The following FBXL7 variants were observed in gnomAD, a reference collection of about 807,000 sequenced individuals.
FBXL7 encodes F-box and leucine rich repeat protein 7, also known as F-box/LRR-repeat protein 7.
In FBXL7, 12 loss-of-function variants were observed where a neutral mutation model predicts 38.3. That is an observed-to-expected ratio of 0.31 (90% CI 0.20 to 0.51). The LOEUF is 0.51. Ranked by LOEUF, FBXL7 falls within the 20% of genes least tolerant of loss-of-function variation. FBXL7 has a pLI of 0.98. For missense variants in FBXL7, 567 were observed against 676.4 expected, an observed-to-expected ratio of 0.84 and a Z score of 1.79; for synonymous variants, 297 against 300.9, an observed-to-expected ratio of 0.99 and a Z score of 0.13.
intron 2 of FBXL7, among the ~76,000 whole-genome samples, chr5:15,751,721 G>A (rs1736160850): frequency 1.3e-5 from 2 of 152,270 alleles, no homozygotes; most frequent in Middle Eastern, 3.4e-3. Context: ...GGGTGCAAGG[G>A]GCAAGATCTG....
chr5:15,573,379 C>G (rs1738849212), intron 1 of FBXL7, among the ~76,000 whole-genome samples: 2 of 152,140 alleles, frequency 1.3e-5, no homozygotes, highest in African/African-American at 4.8e-5. Context: ...TTCAAAGAAT[C>G]TTGCCAATAA....
intron 2 of FBXL7, among the ~76,000 whole-genome samples, chr5:15,662,169 G>T (rs1440774634): frequency 1.3e-5 from 2 of 151,922 alleles, no homozygotes; most frequent in African/African-American, 4.8e-5. Flanking sequence ...CCTTTTCTCT[G>T]CAACCTCACC....
chr5:15,786,674 A>T lies in FBXL7; in HGVS notation c.128-141216A>T, dbSNP rs1108418. Among the ~76,000 whole-genome samples, 646 of 152,344 alleles carry T rather than the reference A, an allele frequency of 4.2e-3. 7 individuals are homozygous for T. Among genetic ancestry groups the T allele is most frequent in the African/African-American group, 0.015 (621 of 41,582 alleles). ...ATTAGAATAGTTTGTAGATACTTTT[A>T]AACCTGTGCTCAAAGGTATTATTTG... On this transcript the variant is annotated intron_variant, in intron 2 of 3. Transcript: ENST00000504595.
intron 1 of FBXL7, among the ~76,000 whole-genome samples, chr5:15,514,072 A>G (rs142561787): frequency 2.0e-4 from 30 of 152,312 alleles, no homozygotes; most frequent in Non-Finnish European, 2.9e-4. Flanking sequence ...TGTGCTTCAA[A>G]TAGTCATTTC....
intron 1 of FBXL7, among the ~76,000 whole-genome samples, chr5:15,610,704 G>A (rs1025165146): frequency 6.6e-6 from 1 of 152,100 alleles, no homozygotes; most frequent in Non-Finnish European, 1.5e-5. Flanking sequence ...ACAAAGATTT[G>A]TTGGTTATTT....
chr5:15,565,395 C>G (rs1005235168), intron 1 of FBXL7, among the ~76,000 whole-genome samples: 2 of 151,920 alleles, frequency 1.3e-5, no homozygotes, highest in African/African-American at 2.4e-5. Flanking sequence ...AAAATGGGGT[C>G]TTTGTTAGAG....
chr5:15,870,690 C>G (rs1739916010), intron 2 of FBXL7, among the ~76,000 whole-genome samples: 1 of 152,144 alleles, frequency 6.6e-6, no homozygotes, highest in Admixed American at 6.6e-5. Context: ...TTAAAGTGTT[C>G]CCACTAAGTT....
Position 15,933,854 on chromosome 5 carries a change from G to C in FBXL7, c.740-2596G>C, listed in dbSNP as rs1742105681. 2.0e-5 allele frequency among the ~76,000 whole-genome samples: 3 copies of C among 152,276 alleles called. 1 individual carries two copies. The South Asian group carries it at 6.2e-4, about 32-fold the overall frequency. On this transcript the variant is annotated intron_variant, in intron 3 of 3. Transcript: ENST00000504595. Reference sequence around the variant, plus strand: ...CAAGGTGCAGAAGTGTCCGAAGTGAGGCGCCTAGCTGTAGAACTGCCCGAG... The same window carrying C: ...CAAGGTGCAGAAGTGTCCGAAGTGACGCGCCTAGCTGTAGAACTGCCCGAG...
intron 2 of FBXL7, among the ~76,000 whole-genome samples, chr5:15,633,362 A>C (rs1269460369): frequency 6.6e-6 from 1 of 152,192 alleles, no homozygotes; most frequent in Non-Finnish European, 1.5e-5. Flanking sequence ...ACATAAGTTT[A>C]GATTTTTGAA....
chr5:15,895,267 T>C (rs550868395), intron 2 of FBXL7, among the ~76,000 whole-genome samples: 17 of 152,344 alleles, frequency 1.1e-4, no homozygotes, highest in African/African-American at 3.8e-4. Context: ...TTTTCCTCTT[T>C]TTGATATTAT....
intron 2 of FBXL7, among the ~76,000 whole-genome samples, chr5:15,792,614 C>G (rs1466073689): frequency 6.6e-6 from 1 of 152,154 alleles, no homozygotes; most frequent in African/African-American, 2.4e-5. Flanking sequence ...TGACAGGGTT[C>G]CAATGAGACC....
intron 1 of FBXL7, among the ~76,000 whole-genome samples, chr5:15,518,166 T>A (rs908808262): frequency 3.9e-5 from 6 of 152,058 alleles, no homozygotes; most frequent in Non-Finnish European, 4.4e-5. Flanking sequence ...AATTTTTGTA[T>A]TTTTAGTAGA....
intron 2 of FBXL7, among the ~76,000 whole-genome samples, chr5:15,815,430 C>T (rs1036648580): frequency 6.6e-6 from 1 of 152,148 alleles, no homozygotes; most frequent in African/African-American, 2.4e-5. Flanking sequence ...ATGTTAGCAA[C>T]TTTTCCTAAA....
intron 2 of FBXL7, among the ~76,000 whole-genome samples, chr5:15,695,187 C>T (rs981622545): frequency 6.6e-6 from 1 of 152,056 alleles, no homozygotes; most frequent in Non-Finnish European, 1.5e-5. Flanking sequence ...TTGCAAATGA[C>T]TTCAGTCTGC....
intron 2 of FBXL7, among the ~76,000 whole-genome samples, chr5:15,623,163 A>G (rs1740708135): frequency 6.6e-6 from 1 of 152,256 alleles, no homozygotes; most frequent in Non-Finnish European, 1.5e-5. Flanking sequence ...GAGCTGAAGC[A>G]GCCTGTTCAG....
chr5:15,820,691 C>T (rs1738145873), intron 2 of FBXL7, among the ~76,000 whole-genome samples: 1 of 152,050 alleles, frequency 6.6e-6, no homozygotes, highest in Non-Finnish European at 1.5e-5. Flanking sequence ...TTCTGGATTT[C>T]TCCGCATCAA....
At chr5:15,839,780 A>C (rs540983123) in intron 2 of FBXL7, among the ~76,000 whole-genome samples, 13 of 151,246 alleles carry the variant, frequency 8.6e-5, no homozygotes, top group African/African-American at 2.7e-4. Flanking sequence ...TCTTCCTCTT[A>C]CTCCTACCTC....
At chr5:15,674,873 C>G (rs1391727017) in intron 2 of FBXL7, among the ~76,000 whole-genome samples, 1 of 152,174 alleles carries the variant, frequency 6.6e-6, no homozygotes, top group African/African-American at 2.4e-5. Flanking sequence ...GATAAACTCA[C>G]AGCATTTCTT....
At chr5:15,870,560 T>TG (rs1467784035) in intron 2 of FBXL7, among the ~76,000 whole-genome samples, 3 of 152,252 alleles carry the variant, frequency 2.0e-5, no homozygotes, top group African/African-American at 7.2e-5. Context: ...AAGAAAAAGA[T>TG]GGTGGGGGGA....
Sources: gnomAD v4.1 joint callset for allele counts (sites outside exome capture counted in the v4.1 genomes callset) on GRCh38, gnomAD v4.1.1 for gene constraint, MANE v1.5 for transcripts, NCBI Gene and HGNC (gene_info 2026-07-23, HGNC 2026-07-21) for gene names.